The following UBE2W variants were observed in gnomAD, a reference collection of about 807,000 sequenced individuals.
The protein encoded by UBE2W is ubiquitin conjugating enzyme E2 W, also known as ubiquitin-conjugating enzyme E2 W.
Under a neutral mutation model 27.2 loss-of-function variants are expected in UBE2W, and 18 were observed. The observed-to-expected ratio is 0.66, with a 90% CI of 0.46 to 0.98. UBE2W has a LOEUF of 0.98. Ranked by LOEUF, UBE2W falls within the 50% of genes least tolerant of loss-of-function variation. The probability of loss-of-function intolerance (pLI) is 0.00; values close to 1 mark genes in which losing one functional copy is unlikely to be tolerated. For missense variants in UBE2W, 90 were observed against 180.2 expected, an observed-to-expected ratio of 0.50 and a Z score of 2.87; for synonymous variants, 53 against 57.2, an observed-to-expected ratio of 0.93 and a Z score of 0.33.
At chr8:73,808,620 G>C (rs895527272) in intron 4 of UBE2W, among the ~76,000 whole-genome samples, 4 of 152,160 alleles carry the variant, frequency 2.6e-5, no homozygotes, top group Non-Finnish European at 5.9e-5. Context: ...CTTCATCTTT[G>C]TAACTTATCA....
intron 1 of UBE2W, among the ~76,000 whole-genome samples, chr8:73,846,752 C>G (rs1810818957): frequency 6.6e-6 from 1 of 152,072 alleles, no homozygotes; most frequent in Non-Finnish European, 1.5e-5. Context: ...AATTTGGAAG[C>G]AGGTGATGGG....
At chr8:73,782,500 C>A (rs1037524759), downstream of UBE2W, among the ~76,000 whole-genome samples, 1 of 151,996 alleles carries the variant, frequency 6.6e-6, no homozygotes, top group African/African-American at 2.4e-5. Flanking sequence ...TAAATAAAGC[C>A]ATACAGGATG....
At chr8:73,846,472 T>A (rs1408483247) in intron 1 of UBE2W, among the ~76,000 whole-genome samples, 1 of 152,186 alleles carries the variant, frequency 6.6e-6, no homozygotes, top group East Asian at 1.9e-4. Context: ...TTAAAAAAAT[T>A]TTTTATAAAG....
chr8:73,839,343 T>C lies in UBE2W; in HGVS notation c.16-8871A>G, dbSNP rs1214925583. Among the ~76,000 whole-genome samples the C allele has an allele frequency of 4.8e-5, 4 of 83,520 alleles. No individual in the cohort carries two copies. The East Asian group carries it at 1.3e-3, about 27-fold the overall frequency. 54.8% of individuals were successfully genotyped at this position (83,520 alleles called of 152,430 possible). On this transcript the variant is annotated intron_variant, in intron 1 of 5. Transcript: ENST00000602593. Reference sequence around the variant, plus strand: ...GGAAGACATTTTTTTAAAATGCTCCTAGTTAAAAAAAAAAAAAAAAAAAAG... The same window carrying C: ...GGAAGACATTTTTTTAAAATGCTCCCAGTTAAAAAAAAAAAAAAAAAAAAG...
At chr8:73,869,498 T>C (rs984967252) in intron 1 of UBE2W, among the ~76,000 whole-genome samples, 4 of 151,922 alleles carry the variant, frequency 2.6e-5, no homozygotes, top group Admixed American at 6.6e-5. Context: ...AGAGACCAGA[T>C]TGGCCAACAT....
downstream of UBE2W, among the ~76,000 whole-genome samples, chr8:73,782,731 T>A (rs989579996): frequency 2.6e-5 from 4 of 152,234 alleles, no homozygotes; most frequent in Non-Finnish European, 2.9e-5. Flanking sequence ...CATATAAACA[T>A]TAGTGTACAA....
intron 1 of UBE2W, among the ~76,000 whole-genome samples, chr8:73,843,727 C>T (rs1033477213): frequency 6.7e-6 from 1 of 149,348 alleles, no homozygotes; most frequent in African/African-American, 2.5e-5. Context: ...AAGAAATTAC[C>T]CAGGATATAA....
In UBE2W at chr8:73,786,227, G is replaced by A; in HGVS notation, c.*7875C>T. 1.0e-6 allele frequency: 1 copy of A among 985,360 alleles called. No individual in the cohort carries two copies. The highest frequency in any genetic ancestry group is 1.2e-6 in the Non-Finnish European group (1 of 829,896). The allele number at this position is 985,360 out of a possible 1,614,324, so 61.0% of individuals were successfully genotyped here. A position where few individuals can be genotyped will look rare whatever the true frequency, so the allele number is the denominator to read the frequency against. The stretch of plus-strand genomic sequence containing the variant: ...AAAAAAGCCAAAACCAATGAAGAAT[G>A]ATTAATGATTTATTTAAAAGTAGTT... On this transcript the variant is annotated 3_prime_UTR_variant, in exon 6 of 6. Transcript: ENST00000602593.
chr8:73,786,355 T>C lies in UBE2W; in HGVS notation c.*7747A>G, dbSNP rs776613706. The C allele has an allele frequency of 2.7e-5, 27 of 985,434 alleles. No homozygotes were observed. The highest frequency in any genetic ancestry group is 3.3e-5 in the Non-Finnish European group (27 of 829,930). 61.0% of individuals were successfully genotyped at this position (985,434 alleles called of 1,614,324 possible). A position where few individuals can be genotyped will look rare whatever the true frequency, so the allele number is the denominator to read the frequency against. ...CAAAATAGCTAGCACCTAAGTTTCT[T>C]TGAGAAAGCTAGGATAAAAATACAA... On this transcript the variant is annotated 3_prime_UTR_variant, in exon 6 of 6. Coordinates refer to ENST00000602593, the MANE Select transcript of UBE2W (RefSeq NM_018299.6).
At chr8:73,807,100 T>C (rs1230935236) in intron 4 of UBE2W, among the ~76,000 whole-genome samples, 2 of 152,242 alleles carry the variant, frequency 1.3e-5, no homozygotes, top group African/African-American at 2.4e-5. Context: ...CAAATTTATA[T>C]TAAAGCTATA....
intron 4 of UBE2W, among the ~76,000 whole-genome samples, chr8:73,809,410 A>G (rs1375306536): frequency 6.6e-6 from 1 of 152,196 alleles, no homozygotes; most frequent in African/African-American, 2.4e-5. Context: ...TCTCCTTTAA[A>G]CAGAATGCAA....
At chr8:73,823,363 A>G (rs1348502975) in intron 3 of UBE2W, among the ~76,000 whole-genome samples, 1 of 152,242 alleles carries the variant, frequency 6.6e-6, no homozygotes, top group African/African-American at 2.4e-5. Context: ...ACTTGGTTTC[A>G]TGCTTACAGA....
intron 1 of UBE2W, among the ~76,000 whole-genome samples, chr8:73,842,630 A>C (rs977430451): frequency 8.6e-5 from 13 of 151,868 alleles, no homozygotes; most frequent in African/African-American, 3.1e-4. Flanking sequence ...AAGAAAAAGC[A>C]AGCCTCAAAA....
chr8:73,838,944 T>C (rs1810416494), intron 1 of UBE2W, among the ~76,000 whole-genome samples: 1 of 152,178 alleles, frequency 6.6e-6, no homozygotes, highest in African/African-American at 2.4e-5. Flanking sequence ...AAGTGGCCAA[T>C]GGGAAACCTC....
chr8:73,829,647 C>G (rs1809992727), intron 2 of UBE2W, among the ~76,000 whole-genome samples: 2 of 151,406 alleles, frequency 1.3e-5, no homozygotes. Context: ...TGACCCCTGT[C>G]TTAGGTACTG....
At chr8:73,848,758 A>G (rs994917706) in intron 1 of UBE2W, among the ~76,000 whole-genome samples, 2 of 152,178 alleles carry the variant, frequency 1.3e-5, no homozygotes, top group Non-Finnish European at 2.9e-5. Flanking sequence ...AGTGCTTAGG[A>G]ACGGACATAA....
chr8:73,803,213 C>T (rs1258317001), intron 5 of UBE2W, among the ~76,000 whole-genome samples: 1 of 151,984 alleles, frequency 6.6e-6, no homozygotes, highest in Non-Finnish European at 1.5e-5. Context: ...GAGACTTCAT[C>T]TCAAAAAATA....
intron 1 of UBE2W, among the ~76,000 whole-genome samples, chr8:73,863,383 T>A (rs1417220152): frequency 7.3e-6 from 1 of 137,200 alleles, no homozygotes; most frequent in Non-Finnish European, 1.5e-5. Flanking sequence ...AACAATGAGA[T>A]CACATGGACA....
At chr8:73,850,725 TA>T (rs11318665) in intron 1 of UBE2W, among the ~76,000 whole-genome samples, 24,864 of 63,196 alleles carry the variant, frequency 0.39, 2,952 homozygotes, top group East Asian at 0.57. Context: ...AGCAGGACAT[TA>T]AAAAAAAAAA....
Sources: gnomAD v4.1 joint callset for allele counts (sites outside exome capture counted in the v4.1 genomes callset) on GRCh38, gnomAD v4.1.1 for gene constraint, MANE v1.5 for transcripts, NCBI Gene and HGNC (gene_info 2026-07-23, HGNC 2026-07-21) for gene names.